The following L3MBTL4 variants were observed in gnomAD, a reference collection of about 807,000 sequenced individuals.
L3MBTL4 encodes the protein lethal(3)malignant brain tumor-like protein 4.
In L3MBTL4, 70 loss-of-function variants were observed where a neutral mutation model predicts 84.5. That is an observed-to-expected ratio of 0.83 (90% CI 0.68 to 1.01). The LOEUF is 1.01. Among genes scored for constraint, L3MBTL4 ranks in the 50% least tolerant of loss-of-function variants. The pLI is 0.00. For missense variants in L3MBTL4, 715 were observed against 754.8 expected (o/e 0.95, Z 0.62); for synonymous variants, 274 against 259.8 (o/e 1.05, Z -0.52).
intron 16 of L3MBTL4, among the ~76,000 whole-genome samples, chr18:6,045,775 C>G (rs531099896): frequency 3.2e-4 from 49 of 152,272 alleles, no homozygotes; most frequent in African/African-American, 1.1e-3. Flanking sequence ...TCTTCTACCA[C>G]AAAAACACAG....
At chr18:6,224,823 C>T (rs1197443351) in intron 10 of L3MBTL4, among the ~76,000 whole-genome samples, 1 of 152,044 alleles carries the variant, frequency 6.6e-6, no homozygotes, top group Non-Finnish European at 1.5e-5. Context: ...AGAGATTTTA[C>T]CCAGCTTGTC....
chr18:6,297,891 G>A (rs1023489042), intron 4 of L3MBTL4, among the ~76,000 whole-genome samples: 1 of 152,106 alleles, frequency 6.6e-6, no homozygotes, highest in Non-Finnish European at 1.5e-5. Flanking sequence ...GCATTTAAGT[G>A]ACTACATACT....
intron 1 of L3MBTL4, among the ~76,000 whole-genome samples, chr18:6,324,494 G>A (rs1424440644): frequency 6.6e-6 from 1 of 152,206 alleles, no homozygotes; most frequent in East Asian, 1.9e-4. Flanking sequence ...AGTCCTTGTT[G>A]GACCAAAGGC....
At chr18:5,960,071 T>TACGTATATATATAC (rs1455126694) in intron 18 of L3MBTL4, 23 bp downstream of exon 18, 1 of 810,056 alleles carries the variant, frequency 1.2e-6, no homozygotes. Context: ...CATATATATA[T>TACGTATATATATAC]ATATAATTTT....
At chr18:6,213,124 T>A in intron 12 of L3MBTL4, 25 bp downstream of exon 12, 2 of 1,295,648 alleles carry the variant, frequency 1.5e-6, no homozygotes, top group Non-Finnish European at 1.1e-6. Flanking sequence ...ATTGATATAA[T>A]AACATAATAA....
Position 6,241,261 on chromosome 18 carries a change from C to T in L3MBTL4, c.552+97G>A, listed in dbSNP as rs970686647. ...GACAGGAAGTTAACAGTTTCCATAACTTCTTAAAGGATTAAAATAAAACAG... is the reference window on the plus strand; with the variant it reads ...GACAGGAAGTTAACAGTTTCCATAATTTCTTAAAGGATTAAAATAAAACAG... On this transcript the variant is annotated intron_variant, in intron 8 of 18. Coordinates refer to ENST00000317931, the MANE Select transcript of L3MBTL4 (RefSeq NM_001330559.2). 8.0e-6 allele frequency: 6 copies of T among 753,038 alleles called. No individual in the cohort carries two copies. The East Asian group carries it at 1.3e-4, about 17-fold the overall frequency. The allele number at this position is 753,038 out of a possible 1,614,324, so 46.6% of individuals were successfully genotyped here.
At chr18:6,090,559 A>T (rs7229645) in intron 15 of L3MBTL4, among the ~76,000 whole-genome samples, 49,974 of 149,694 alleles carry the variant, frequency 0.33, 10,671 homozygotes, top group African/African-American at 0.62. Context: ...AAGTCTGGAT[A>T]TATATAAATA....
intron 16 of L3MBTL4, among the ~76,000 whole-genome samples, chr18:6,067,143 G>A (rs968016213): frequency 1.3e-5 from 2 of 152,214 alleles, no homozygotes; most frequent in Non-Finnish European, 2.9e-5. Flanking sequence ...CTTCTGGCTT[G>A]TAGGGTTTCT....
At chr18:6,192,909 G>A (rs200944053) in intron 12 of L3MBTL4, among the ~76,000 whole-genome samples, 1 of 152,064 alleles carries the variant, frequency 6.6e-6, no homozygotes. Context: ...TGTACATGGA[G>A]TTCATGCCGT....
chr18:6,135,731 C>G (rs1192849700), intron 14 of L3MBTL4, among the ~76,000 whole-genome samples: 1 of 152,216 alleles, frequency 6.6e-6, no homozygotes, highest in Non-Finnish European at 1.5e-5. Flanking sequence ...CAAAGCCACT[C>G]GACAAGTCTC....
chr18:6,204,045 T>G (rs2045764156), intron 12 of L3MBTL4, among the ~76,000 whole-genome samples: 1 of 152,202 alleles, frequency 6.6e-6, no homozygotes, highest in Non-Finnish European at 1.5e-5. Flanking sequence ...CTGCCCAGCC[T>G]GCTCCTCGGG....
At chr18:6,387,746 G>C (rs9951394) in intron 1 of L3MBTL4, among the ~76,000 whole-genome samples, 5,082 of 152,306 alleles carry the variant, frequency 0.033, 150 homozygotes, top group Middle Eastern at 0.1. Context: ...GTGGCAGTGG[G>C]GAAGGTGCAA....
At chr18:5,972,507 C>A (rs1051433295) in intron 16 of L3MBTL4, among the ~76,000 whole-genome samples, 1 of 152,158 alleles carries the variant, frequency 6.6e-6, no homozygotes, top group Non-Finnish European at 1.5e-5. Flanking sequence ...GCAGGTACTA[C>A]TTTAACTGCG....
chr18:6,284,456 A>C (rs968260245), intron 4 of L3MBTL4, among the ~76,000 whole-genome samples: 4 of 152,136 alleles, frequency 2.6e-5, no homozygotes, highest in Admixed American at 6.5e-5. Flanking sequence ...GCCAAGCAAA[A>C]GGGCCGGGAG....
chr18:6,246,480 C>T (rs2047670507), intron 5 of L3MBTL4, among the ~76,000 whole-genome samples: 1 of 152,162 alleles, frequency 6.6e-6, no homozygotes, highest in East Asian at 1.9e-4. Flanking sequence ...TAATCATATA[C>T]TAATGGAAAA....
intron 10 of L3MBTL4, among the ~76,000 whole-genome samples, chr18:6,219,807 G>A (rs1034521692): frequency 6.6e-6 from 1 of 152,048 alleles, no homozygotes. Flanking sequence ...TTTAGAAGAC[G>A]AGGAGAACTA....
At chr18:6,128,429 G>T (rs2059771809) in intron 14 of L3MBTL4, among the ~76,000 whole-genome samples, 1 of 152,008 alleles carries the variant, frequency 6.6e-6, no homozygotes, top group South Asian at 2.1e-4. Context: ...AAGTCACCAG[G>T]GATAAATTAA....
intron 16 of L3MBTL4, among the ~76,000 whole-genome samples, chr18:5,978,074 G>A (rs1350735728): frequency 3.3e-5 from 5 of 152,316 alleles, no homozygotes; most frequent in East Asian, 3.9e-4. Context: ...GGACTGTGGC[G>A]CCTTCAGAGG....
chr18:6,067,689 C>T (rs1252918803), intron 16 of L3MBTL4, among the ~76,000 whole-genome samples: 1 of 151,572 alleles, frequency 6.6e-6, no homozygotes, highest in Non-Finnish European at 1.5e-5. Flanking sequence ...CATTCATATC[C>T]TAAATTTAAA....
Sources: allele counts gnomAD v4.1 joint callset (sites outside exome capture counted in the v4.1 genomes callset), GRCh38; gene constraint gnomAD v4.1.1; transcripts MANE v1.5; gene names NCBI Gene and HGNC (gene_info 2026-07-23, HGNC 2026-07-21).